TBC1D19: variants seen among roughly 807,000 people sequenced by gnomAD.
TBC1D19 encodes TBC1 domain family member 19.
Under a neutral mutation model 89.0 loss-of-function variants are expected in TBC1D19, and 60 were observed. That is an observed-to-expected ratio of 0.67 (90% CI 0.55 to 0.84). The LOEUF is 0.84. TBC1D19 is among the 40% of genes least tolerant of loss of function. The probability of loss-of-function intolerance (pLI) is 0.00; values close to 1 mark genes in which losing one functional copy is unlikely to be tolerated. For synonymous variants in TBC1D19, 189 were observed against 199.7 expected (o/e 0.95, Z 0.45); for missense variants, 500 against 610.8 (o/e 0.82, Z 1.91).
At chr4:26,842,340 CTTTTTT>C in the TBC1D19 span, among the ~76,000 whole-genome samples, 218 of 81,610 alleles carry the variant, frequency 2.7e-3, 2 homozygotes, top group East Asian at 0.011. Context: ...CTTTTCTTTT[CTTTTTT>C]TTTTTTTTTT....
chr4:26,845,516 T>C, the TBC1D19 span, among the ~76,000 whole-genome samples: 1 of 152,204 alleles, frequency 6.6e-6, no homozygotes, highest in Non-Finnish European at 1.5e-5. Flanking sequence ...TGAACTTCTG[T>C]TAACAGTAAC....
At chr4:26,578,255 T>C (rs994783106) in intron 1 of TBC1D19, among the ~76,000 whole-genome samples, 1 of 152,214 alleles carries the variant, frequency 6.6e-6, no homozygotes, top group Non-Finnish European at 1.5e-5. Context: ...CCCAAATTAC[T>C]GGGCCTCTGA....
intron 4 of TBC1D19, among the ~76,000 whole-genome samples, chr4:26,628,979 T>A (rs1396783100): frequency 6.6e-6 from 1 of 152,250 alleles, no homozygotes; most frequent in East Asian, 1.9e-4. Context: ...AAATTCTTTA[T>A]TATGGCTTAC....
intron 2 of TBC1D19, among the ~76,000 whole-genome samples, chr4:26,613,452 C>A (rs1741499334): frequency 6.6e-6 from 1 of 152,034 alleles, no homozygotes; most frequent in Admixed American, 6.6e-5. Flanking sequence ...GCTTTACTGG[C>A]CCAGTCAGAA....
the TBC1D19 span, among the ~76,000 whole-genome samples, chr4:26,832,866 T>C: frequency 0.5 from 75,428 of 151,840 alleles, 20,187 homozygotes; most frequent in African/African-American, 0.71. Flanking sequence ...TGGTGGCATG[T>C]GCCTGTAATC....
At chr4:26,591,228 C>T (rs539490376) in intron 1 of TBC1D19, among the ~76,000 whole-genome samples, 120 of 151,970 alleles carry the variant, frequency 7.9e-4, no homozygotes, top group African/African-American at 2.8e-3. Context: ...GGCTTGATAG[C>T]TGATTTTTTT....
intron 1 of TBC1D19, among the ~76,000 whole-genome samples, chr4:26,586,722 G>A (rs900933386): frequency 6.6e-6 from 1 of 151,948 alleles, no homozygotes; most frequent in Non-Finnish European, 1.5e-5. Context: ...GGTTTTTGAC[G>A]CTATTATAAA....
At chr4:26,806,209 G>A in the TBC1D19 span, among the ~76,000 whole-genome samples, 3 of 152,046 alleles carry the variant, frequency 2.0e-5, no homozygotes. Context: ...TCCTATAGTT[G>A]CTGTTTTCTC....
intron 1 of TBC1D19, chr4:26,576,934 A>T: frequency 2.3e-6 from 1 of 441,670 alleles, no homozygotes; most frequent in Non-Finnish European, 4.6e-6. Context: ...ACAGTAATCT[A>T]GGTGTTGCTA....
intron 9 of TBC1D19, among the ~76,000 whole-genome samples, chr4:26,666,687 T>C (rs1490308738): frequency 6.6e-6 from 1 of 152,038 alleles, no homozygotes; most frequent in East Asian, 1.9e-4. Context: ...ACTGGCAACA[T>C]CCTTTCCTGG....
At chr4:26,761,401 A>G in the TBC1D19 span, among the ~76,000 whole-genome samples, 1 of 152,318 alleles carries the variant, frequency 6.6e-6, no homozygotes, top group South Asian at 2.1e-4. Flanking sequence ...GTAGTTTTCA[A>G]TGTACAGTTC....
At chr4:26,657,352 TGTGATA>T (rs939716163) in intron 7 of TBC1D19, among the ~76,000 whole-genome samples, 3 of 152,108 alleles carry the variant, frequency 2.0e-5, no homozygotes, top group African/African-American at 7.2e-5. Flanking sequence ...TTTCTGTTCT[TGTGATA>T]GTTTGCTGAG....
chr4:26,771,964 G>A, the TBC1D19 span, among the ~76,000 whole-genome samples: 1 of 152,018 alleles, frequency 6.6e-6, no homozygotes, highest in Non-Finnish European at 1.5e-5. Context: ...CTTCAATGCA[G>A]TCAGTATAAT....
rs557881882 is a variant in TBC1D19, at chr4:26,710,624, T to G, written c.955-7309T>G. On this transcript the variant is annotated intron_variant, in intron 13 of 20. Coordinates refer to ENST00000264866, the MANE Select transcript of TBC1D19 (RefSeq NM_018317.4). ...ATCACCACACCGACTTCCACAATGG[T>G]TGAACTAGTTTACAGTCCCACCAAC... Among the ~76,000 whole-genome samples the G allele has an allele frequency of 8.5e-5, 13 of 152,322 alleles. No homozygotes were observed. The East Asian group carries it at 2.5e-3, about 29-fold the overall frequency.
At chr4:26,665,884 G>C (rs1164108395) in intron 8 of TBC1D19, among the ~76,000 whole-genome samples, 2 of 151,894 alleles carry the variant, frequency 1.3e-5, no homozygotes, top group African/African-American at 4.8e-5. Flanking sequence ...GCAAAATCAA[G>C]AACTGTTTTT....
chr4:26,782,857 A>G, the TBC1D19 span, among the ~76,000 whole-genome samples: 1 of 151,800 alleles, frequency 6.6e-6, no homozygotes, highest in African/African-American at 2.4e-5. Flanking sequence ...CTTGCTCAGG[A>G]AAGAGAATAC....
intron 3 of TBC1D19, among the ~76,000 whole-genome samples, chr4:26,619,237 C>G (rs941852352): frequency 6.8e-6 from 1 of 147,688 alleles, no homozygotes; most frequent in Non-Finnish European, 1.5e-5. Flanking sequence ...CGGAATCTTG[C>G]TCTGTTGCCC....
intron 9 of TBC1D19, among the ~76,000 whole-genome samples, chr4:26,667,087 G>A (rs1250376746): frequency 6.6e-6 from 1 of 151,662 alleles, no homozygotes; most frequent in African/African-American, 2.4e-5. Flanking sequence ...TATTATAATA[G>A]CAATATTACA....
chr4:26,629,143 A>G (rs1386764653), intron 4 of TBC1D19, among the ~76,000 whole-genome samples: 1 of 151,978 alleles, frequency 6.6e-6, no homozygotes, highest in Non-Finnish European at 1.5e-5. Context: ...TGCTTATGCC[A>G]CTGCGTCTAT....
Sources: allele counts gnomAD v4.1 joint callset (sites outside exome capture counted in the v4.1 genomes callset), GRCh38; gene constraint gnomAD v4.1.1; transcripts MANE v1.5; gene names NCBI Gene and HGNC (gene_info 2026-07-23, HGNC 2026-07-21).